Variants in CDC42BPA observed in about 807,000 individuals in gnomAD.
The protein encoded by CDC42BPA is serine/threonine-protein kinase MRCK alpha.
A neutral mutation model predicts 223.5 loss-of-function variants in CDC42BPA; 80 were observed. That is an observed-to-expected ratio of 0.36 (90% CI 0.30 to 0.43). CDC42BPA has a LOEUF of 0.43. CDC42BPA is among the 20% of genes least tolerant of loss of function. The probability of loss-of-function intolerance (pLI) is 1.00; values close to 1 mark genes in which losing one functional copy is unlikely to be tolerated. For missense variants in CDC42BPA, 1,743 were observed against 2,099.9 expected, an observed-to-expected ratio of 0.83 and a Z score of 3.32; for synonymous variants, 694 against 718.6, an observed-to-expected ratio of 0.97 and a Z score of 0.55.
chr1:227,193,634 A>G, intron 5 of CDC42BPA, 152 bp downstream of exon 5: 3 of 598,946 alleles, frequency 5.0e-6, no homozygotes, highest in Admixed American at 3.5e-5. Context: ...ACAACAACAA[A>G]GCAAAACAAC....
chr1:227,156,312 C>T (rs73086744), intron 6 of CDC42BPA, among the ~76,000 whole-genome samples: 4,792 of 151,704 alleles, frequency 0.032, 226 homozygotes, highest in African/African-American at 0.11. Flanking sequence ...GCCACCATGC[C>T]TAACTAATTT....
chr1:227,243,091 A>G (rs1277514824), intron 2 of CDC42BPA, among the ~76,000 whole-genome samples: 1 of 152,186 alleles, frequency 6.6e-6, no homozygotes, highest in Non-Finnish European at 1.5e-5. Flanking sequence ...CAAATACCCC[A>G]TGTTCTCACT....
At chr1:227,253,182 A>AGAGAGAGAGAG (rs1682333040) in intron 2 of CDC42BPA, among the ~76,000 whole-genome samples, 1 of 151,178 alleles carries the variant, frequency 6.6e-6, no homozygotes, top group Non-Finnish European at 1.5e-5. Context: ...CCTGGAAAAA[A>AGAGAGAGAGAG]GAGAGAGAGA....
At chr1:227,149,405 A>C (rs75332515) in intron 6 of CDC42BPA, among the ~76,000 whole-genome samples, 1,809 of 152,310 alleles carry the variant, frequency 0.012, 37 homozygotes, top group African/African-American at 0.042. Context: ...ATAATTCTTA[A>C]ACATAAAATC....
chr1:227,129,510 A>T (rs866684523), intron 10 of CDC42BPA, among the ~76,000 whole-genome samples: 1 of 151,788 alleles, frequency 6.6e-6, no homozygotes, highest in Middle Eastern at 3.4e-3. Flanking sequence ...TCTACAAAAG[A>T]TATAAAAATT....
At chr1:227,192,779 C>T in intron 5 of CDC42BPA, among the ~76,000 whole-genome samples, 1 of 151,496 alleles carries the variant, frequency 6.6e-6, no homozygotes, top group Non-Finnish European at 1.5e-5. Context: ...TATAATTACT[C>T]CATGAACATC....
chr1:227,294,576 A>ATTAAC lies in CDC42BPA; in HGVS notation c.178+22428_178+22429insGTTAA, dbSNP rs1290999671. 7.9e-3 allele frequency among the ~76,000 whole-genome samples: 1,068 copies of ATTAAC among 135,462 alleles called. 270 individuals carry two copies. Among genetic ancestry groups the ATTAAC allele is most frequent in the East Asian group, 0.013 (58 of 4,370 alleles). The allele number at this position is 135,462 out of a possible 152,430, so 88.9% of individuals were successfully genotyped here. On this transcript the variant is annotated intron_variant, in intron 1 of 36. Transcript: ENST00000366766. ...AAGAAACTGAAGCAAAAAGAGGTTAATTGGCCGGGCGCGGTGGCTCACGCC... is the reference window on the plus strand; with the variant it reads ...AAGAAACTGAAGCAAAAAGAGGTTAATTAACTTGGCCGGGCGCGGTGGCTCACGCC...
chr1:227,217,108 T>C (rs766238910), intron 2 of CDC42BPA, among the ~76,000 whole-genome samples: 1 of 152,174 alleles, frequency 6.6e-6, no homozygotes, highest in Non-Finnish European at 1.5e-5. Flanking sequence ...AAATCTAGTC[T>C]TCCTGCATAT....
chr1:227,258,904 T>C (rs766222853), intron 1 of CDC42BPA, among the ~76,000 whole-genome samples: 1 of 151,058 alleles, frequency 6.6e-6, no homozygotes, highest in Non-Finnish European at 1.5e-5. Flanking sequence ...TTGAAAAAGA[T>C]ATAATAATCA....
Position 227,031,308 on chromosome 1 carries a change from G to T in CDC42BPA, c.3765C>A (p.Ala1255=), listed in dbSNP as rs374098494. 3 of 1,610,768 alleles carry T rather than the reference G, an allele frequency of 1.9e-6. No homozygotes were observed. The highest frequency in any genetic ancestry group is 2.5e-6 in the Non-Finnish European group (3 of 1,177,174). The part of the protein sequence containing the change: ...TLPLIKTTQA[A]AIIDHERIAL... ...GTTATAAATTCATACCTATGATTGC[G>T]GCTGCCTGGGTTGTTTTAATGAGGG... Residue 1255 remains alanine (A), a synonymous_variant, in exon 28 of 37, where the codon GCC becomes GCA. Coordinates refer to ENST00000366766, the MANE Select transcript of CDC42BPA (RefSeq NM_001394014.1).
At chr1:227,028,555 T>C in intron 30 of CDC42BPA, 102 bp downstream of exon 30, 1 of 789,562 alleles carries the variant, frequency 1.3e-6, no homozygotes, top group Non-Finnish European at 2.0e-6. Flanking sequence ...ATGACTTTTT[T>C]AAAAAACTGT....
chr1:227,137,930 GA>G (rs1658922792), intron 10 of CDC42BPA, among the ~76,000 whole-genome samples: 1 of 152,094 alleles, frequency 6.6e-6, no homozygotes, highest in Non-Finnish European at 1.5e-5. Flanking sequence ...GAATATGGGT[GA>G]AGGTTACATC....
intron 4 of CDC42BPA, among the ~76,000 whole-genome samples, chr1:227,197,189 G>T (rs971932519): frequency 6.6e-6 from 1 of 151,992 alleles, no homozygotes; most frequent in Non-Finnish European, 1.5e-5. Context: ...AGCTATCAGG[G>T]TTAAAAGTTA....
chr1:227,074,699 AAAT>A (rs1679101914), intron 17 of CDC42BPA, among the ~76,000 whole-genome samples: 1 of 152,212 alleles, frequency 6.6e-6, no homozygotes, highest in Admixed American at 6.6e-5. Context: ...GAGGTTTTCT[AAAT>A]AATAAGATTT....
intron 8 of CDC42BPA, 74 bp downstream of exon 8, chr1:227,145,414 TA>T (rs952650899): frequency 6.6e-6 from 9 of 1,371,382 alleles, no homozygotes; most frequent in Non-Finnish European, 8.9e-6. Flanking sequence ...AAAATACTTA[TA>T]AACCAAAAAA....
chr1:227,268,240 T>G (rs1275866253), intron 1 of CDC42BPA, among the ~76,000 whole-genome samples: 1 of 152,298 alleles, frequency 6.6e-6, no homozygotes, highest in East Asian at 1.9e-4. Flanking sequence ...GTTTATGTAT[T>G]GTTTTCGTTT....
intron 4 of CDC42BPA, among the ~76,000 whole-genome samples, chr1:227,198,271 T>A (rs994205021): frequency 6.6e-6 from 1 of 151,602 alleles, no homozygotes; most frequent in South Asian, 2.1e-4. Context: ...AGCAACAAAC[T>A]GAGACCCCAT....
intron 5 of CDC42BPA, among the ~76,000 whole-genome samples, chr1:227,175,509 C>T (rs1205422959): frequency 6.6e-6 from 1 of 151,810 alleles, no homozygotes; most frequent in African/African-American, 2.4e-5. Context: ...GATAAACTAC[C>T]AAGTAATCAT....
chr1:227,124,939 A>C (rs1006702130), intron 11 of CDC42BPA, among the ~76,000 whole-genome samples: 2 of 151,878 alleles, frequency 1.3e-5, no homozygotes, highest in Non-Finnish European at 1.5e-5. Flanking sequence ...ACATAAGACG[A>C]CTCCGAAATG....
Sources: gnomAD v4.1 joint callset for allele counts (sites outside exome capture counted in the v4.1 genomes callset) on GRCh38, gnomAD v4.1.1 for gene constraint, MANE v1.5 for transcripts, NCBI Gene and HGNC (gene_info 2026-07-23, HGNC 2026-07-21) for gene names.